Variants in CTNNA3 observed in about 807,000 individuals in gnomAD.
The protein encoded by CTNNA3 is catenin alpha 3.
CTNNA3 carries 76 observed loss-of-function variants against 95.7 expected under a neutral mutation model. The observed-to-expected ratio is 0.79, with a 90% CI of 0.66 to 0.96. The LOEUF (loss-of-function observed/expected upper bound fraction) is 0.96. Among genes scored for constraint, CTNNA3 ranks in the 40% least tolerant of loss-of-function variants. The probability of loss-of-function intolerance (pLI) is 0.00; values close to 1 mark genes in which losing one functional copy is unlikely to be tolerated. For missense variants in CTNNA3, 1,191 were observed against 1,089.8 expected (o/e 1.09, Z -1.31); for synonymous variants, 431 against 374.4 (o/e 1.15, Z -1.74).
chr10:66,199,805 A>ATATATGTATATATATATATTTTTT (rs1564756586), intron 13 of CTNNA3, among the ~76,000 whole-genome samples: 3 of 14,292 alleles, frequency 2.1e-4, no homozygotes, highest in Non-Finnish European at 3.3e-4. Context: ...ATATATATAT[A>ATATATGTATATATATATATTTTTT]TTTTTTTTTT....
chr10:67,295,459 C>T (rs1839996558), intron 5 of CTNNA3, among the ~76,000 whole-genome samples: 1 of 151,864 alleles, frequency 6.6e-6, no homozygotes, highest in Admixed American at 6.6e-5. Context: ...ATTTGAGTCA[C>T]GTGGGAATTC....
intron 13 of CTNNA3, among the ~76,000 whole-genome samples, chr10:66,199,784 T>TATATA (rs2087224693): frequency 8.4e-5 from 1 of 11,862 alleles, no homozygotes; most frequent in Non-Finnish European, 1.9e-4. Flanking sequence ...TATATATATA[T>TATATA]ATATATATAT....
chr10:67,446,286 G>A (rs922686400), intron 5 of CTNNA3, among the ~76,000 whole-genome samples: 5 of 151,990 alleles, frequency 3.3e-5, no homozygotes, highest in Middle Eastern at 3.4e-3. Context: ...CTACTCCCTA[G>A]TCCACCCCTG....
At chr10:67,625,286 G>A (rs929973284) in intron 2 of CTNNA3, among the ~76,000 whole-genome samples, 4 of 152,206 alleles carry the variant, frequency 2.6e-5, no homozygotes, top group African/African-American at 9.6e-5. Context: ...CAGTGTCACA[G>A]ATTAACAGAT....
intron 5 of CTNNA3, among the ~76,000 whole-genome samples, chr10:67,514,689 G>T (rs1422910375): frequency 6.7e-6 from 1 of 148,718 alleles, no homozygotes; most frequent in African/African-American, 2.5e-5. Flanking sequence ...TGTTTGTTTG[G>T]TTGGTTTTGG....
At position 66,931,086 on chromosome 10, in the gene CTNNA3, G is replaced by A. The variant is rs10997441; in HGVS notation, c.1048-155562C>T. On this transcript the variant is annotated intron_variant, in intron 7 of 17. Transcript: ENST00000433211. Reference sequence around the variant, plus strand: ...TGGACTACATATCATAAATCTATTTGTATAAGTATTTCAAGTTCATGCAGA... The same window carrying A: ...TGGACTACATATCATAAATCTATTTATATAAGTATTTCAAGTTCATGCAGA... 0.028 allele frequency among the ~76,000 whole-genome samples: 4,232 copies of A among 149,848 alleles called. 409 individuals are homozygous for A. The East Asian group carries it at 0.38, about 13-fold the overall frequency.
At chr10:67,311,522 A>G (rs1840799968) in intron 5 of CTNNA3, among the ~76,000 whole-genome samples, 1 of 152,222 alleles carries the variant, frequency 6.6e-6, no homozygotes, top group Admixed American at 6.5e-5. Context: ...TTCTAGAGTG[A>G]TAGAAATCTT....
chr10:66,808,400 GAC>G (rs1841741228), intron 7 of CTNNA3, among the ~76,000 whole-genome samples: 1 of 152,168 alleles, frequency 6.6e-6, no homozygotes, highest in African/African-American at 2.4e-5. Context: ...AGATATATCT[GAC>G]CATACTCAGT....
At chr10:66,848,179 T>C (rs986366248) in intron 7 of CTNNA3, among the ~76,000 whole-genome samples, 1 of 152,226 alleles carries the variant, frequency 6.6e-6, no homozygotes, top group Non-Finnish European at 1.5e-5. Context: ...TGATTTTCAA[T>C]AGGGAACTGT....
intron 3 of CTNNA3, among the ~76,000 whole-genome samples, chr10:67,577,160 A>C (rs552788233): frequency 2.0e-5 from 3 of 151,532 alleles, no homozygotes; most frequent in South Asian, 4.2e-4. Flanking sequence ...ACTAGTTTAC[A>C]GTCCCACCAA....
chr10:66,402,814 T>A (rs1426958287), intron 11 of CTNNA3, among the ~76,000 whole-genome samples: 2 of 152,180 alleles, frequency 1.3e-5, no homozygotes, highest in Non-Finnish European at 2.9e-5. Context: ...GAGTTGTCTT[T>A]CAGAAACTTG....
chr10:66,656,619 A>G lies in CTNNA3; in HGVS notation c.1282-34835T>C, dbSNP rs1391051927. ...GTGTGCATTTTATTAACCCCAATAA[A>G]CATTTACTTTTTTATTTTCTCCCCA... On this transcript the variant is annotated intron_variant, in intron 9 of 17. Transcript: ENST00000433211. 1.3e-5 allele frequency among the ~76,000 whole-genome samples: 2 copies of G among 152,066 alleles called. 1 individual carries two copies. The highest frequency in any genetic ancestry group is 3.9e-4 in the East Asian group (2 of 5,190).
In CTNNA3 at chr10:66,072,840, C is replaced by T. The variant is rs376938191; in HGVS notation, c.1978-3351G>A. Among the ~76,000 whole-genome samples, 305 of 152,278 alleles carry T rather than the reference C, an allele frequency of 2.0e-3. 1 individual carries two copies. Among genetic ancestry groups the T allele is most frequent in the African/African-American group, 6.7e-3 (279 of 41,556 alleles). ...CTCCCTTAGCACACTCATCTACTTT[C>T]TTTTCTTTTTTACATTGGGAAATAA... On this transcript the variant is annotated intron_variant, in intron 14 of 17. Coordinates refer to ENST00000433211, the MANE Select transcript of CTNNA3 (RefSeq NM_013266.4).
At chr10:67,482,925 C>T (rs1204052017) in intron 5 of CTNNA3, among the ~76,000 whole-genome samples, 2 of 151,920 alleles carry the variant, frequency 1.3e-5, no homozygotes, top group African/African-American at 2.4e-5. Flanking sequence ...TACGTCCCAT[C>T]AATAAACAAC....
At chr10:66,925,885 T>C (rs558192655) in intron 7 of CTNNA3, 4 of 379,890 alleles carry the variant, frequency 1.1e-5, no homozygotes, top group South Asian at 5.8e-5. Flanking sequence ...GACCATTCAG[T>C]TCCTACTGAG....
intron 10 of CTNNA3, among the ~76,000 whole-genome samples, chr10:66,535,628 T>C (rs1271150955): frequency 1.3e-5 from 2 of 152,220 alleles, no homozygotes; most frequent in Admixed American, 6.5e-5. Flanking sequence ...AGGCCAAGCA[T>C]AATTTCCATG....
intron 5 of CTNNA3, among the ~76,000 whole-genome samples, chr10:67,423,800 A>G (rs1460890315): frequency 6.6e-6 from 1 of 152,166 alleles, no homozygotes. Context: ...AGGACTTGGC[A>G]CATAGTGTGC....
intron 11 of CTNNA3, among the ~76,000 whole-genome samples, chr10:66,445,581 C>A (rs900419329): frequency 6.6e-5 from 10 of 151,784 alleles, no homozygotes; most frequent in Admixed American, 5.9e-4. Flanking sequence ...CTACTGGGTA[C>A]ATAACAAAAT....
intron 16 of CTNNA3, among the ~76,000 whole-genome samples, chr10:65,972,505 C>A (rs2078124863): frequency 6.6e-6 from 1 of 152,074 alleles, no homozygotes; most frequent in African/African-American, 2.4e-5. Flanking sequence ...GATACAAAAT[C>A]ATTGTATAAA....
Sources: allele counts gnomAD v4.1 joint callset (sites outside exome capture counted in the v4.1 genomes callset), GRCh38; gene constraint gnomAD v4.1.1; transcripts MANE v1.5; gene names NCBI Gene and HGNC (gene_info 2026-07-23, HGNC 2026-07-21).